The following STYK1 variants were observed in gnomAD, a reference collection of about 807,000 sequenced individuals.
STYK1 encodes the protein STY kinase 1.
Under a neutral mutation model 48.1 loss-of-function variants are expected in STYK1, and 46 were observed. That is an observed-to-expected ratio of 0.96 (90% CI 0.75 to 1.22). The LOEUF is 1.22. Among genes scored for constraint, STYK1 ranks in the 50% most tolerant of loss-of-function variants. The probability of loss-of-function intolerance (pLI) is 0.00; values close to 1 mark genes in which losing one functional copy is unlikely to be tolerated. For missense variants in STYK1, 527 were observed against 521.1 expected (o/e 1.01, Z -0.11); for synonymous variants, 188 against 189.0 (o/e 0.99, Z 0.04).
intron 7 of STYK1, among the ~76,000 whole-genome samples, chr12:10,625,656 G>A (rs954465640): frequency 6.6e-6 from 1 of 151,956 alleles, no homozygotes; most frequent in African/African-American, 2.4e-5. Flanking sequence ...TTTTCTTTTA[G>A]ATAAATCTAA....
At chr12:10,655,634 C>T (rs566231080) in intron 1 of STYK1, among the ~76,000 whole-genome samples, 1 of 152,284 alleles carries the variant, frequency 6.6e-6, no homozygotes, top group African/African-American at 2.4e-5. Flanking sequence ...TTCTCTGAGG[C>T]ACCTTGTAGA....
intron 4 of STYK1, among the ~76,000 whole-genome samples, chr12:10,633,048 T>C (rs1591681712): frequency 6.6e-6 from 1 of 152,196 alleles, no homozygotes; most frequent in African/African-American, 2.4e-5. Context: ...GGGACTATCA[T>C]TGGAATAGAA....
chr12:10,665,137 G>A (rs987188514), intron 1 of STYK1, among the ~76,000 whole-genome samples: 1 of 152,162 alleles, frequency 6.6e-6, no homozygotes, highest in Admixed American at 6.5e-5. Flanking sequence ...AAGAAAGAAC[G>A]CAAACACAGC....
In STYK1 at chr12:10,631,107, C is replaced by T. The variant is rs747238411; in HGVS notation, c.389G>A (p.Arg130Gln). ...ICSGSCGPIF[R>Q]ANMNTGDPSK... ...AGGGTCCCCAGTGTTCATATTGGCT[C>T]GAAAGATGGGCCCACAGCTACCACT... is the stretch of plus-strand genomic sequence containing the variant. Residue 130 changes from arginine to glutamine, a missense_variant, in exon 5 of 11, where the codon CGA becomes CAA. Coordinates refer to ENST00000075503, the MANE Select transcript of STYK1 (RefSeq NM_018423.3). 1.2e-5 allele frequency: 19 copies of T among 1,614,018 alleles called. No homozygotes were observed. The highest frequency in any genetic ancestry group is 2.7e-5 in the African/African-American group (2 of 74,900).
chr12:10,663,246 TG>T (rs1468816235), intron 1 of STYK1, among the ~76,000 whole-genome samples: 1 of 152,132 alleles, frequency 6.6e-6, no homozygotes, highest in Non-Finnish European at 1.5e-5. Context: ...CCCAAGTAGC[TG>T]GGATTATAGA....
chr12:10,650,865 C>A (rs562539505), intron 1 of STYK1, among the ~76,000 whole-genome samples: 1 of 151,890 alleles, frequency 6.6e-6, no homozygotes, highest in Non-Finnish European at 1.5e-5. Context: ...ATTAGCCGGG[C>A]GTGGTGGCAC....
chr12:10,670,048 C>T (rs1565577117), intron 1 of STYK1, among the ~76,000 whole-genome samples: 1 of 152,056 alleles, frequency 6.6e-6, no homozygotes, highest in East Asian at 1.9e-4. Flanking sequence ...TTAGTACAAC[C>T]GTTAGGGAAA....
chr12:10,619,791 T>C lies in STYK1; in HGVS notation c.*353A>G, dbSNP rs1379233427. On this transcript the variant is annotated 3_prime_UTR_variant, in exon 11 of 11. Coordinates refer to ENST00000075503, the MANE Select transcript of STYK1 (RefSeq NM_018423.3). ...ATTTCATTCCAAATTTTCATCTAGA[T>C]AAAAATGTGGTTCCAGAGGAAACTA... 6 of 400,178 alleles carry C rather than the reference T, an allele frequency of 1.5e-5. No individual in the cohort carries two copies. Among genetic ancestry groups the C allele is most frequent in the Non-Finnish European group, 2.6e-5 (6 of 227,012 alleles). The allele number at this position is 400,178 out of a possible 1,614,324, so 24.8% of individuals were successfully genotyped here.
intron 1 of STYK1, among the ~76,000 whole-genome samples, chr12:10,651,737 CA>C (rs1947664728): frequency 6.6e-6 from 1 of 152,126 alleles, no homozygotes; most frequent in South Asian, 2.1e-4. Flanking sequence ...CTGTATATTC[CA>C]CAGGAATAAG....
At chr12:10,652,737 A>AT (rs11459191) in intron 1 of STYK1, among the ~76,000 whole-genome samples, 83,742 of 151,966 alleles carry the variant, frequency 0.55, 23,797 homozygotes, top group East Asian at 0.79. Flanking sequence ...AGAAAGAAAA[A>AT]GGTTAACGAG....
At position 10,634,734 on chromosome 12, in the gene STYK1, T is replaced by C. The variant is rs1947467735; in HGVS notation, c.-68-48A>G. The C allele has an allele frequency of 1.1e-5, 13 of 1,197,012 alleles. No individual in the cohort carries two copies. In the South Asian group the frequency reaches 1.6e-4, roughly 15 times the overall value. 74.1% of individuals were successfully genotyped at this position (1,197,012 alleles called of 1,614,324 possible). On this transcript the variant is annotated intron_variant, in intron 2 of 10. Coordinates refer to ENST00000075503, the MANE Select transcript of STYK1 (RefSeq NM_018423.3). ...AAAAAATAAAATGAATGAAAAAAAA[T>C]AAATGAAGTACACACAGAATTTTAA...
rs1215462664 is a variant in STYK1 at position 10,670,998 on chromosome 12, T to TTTC, written c.-195+2967_-195+2968insGAA. Among the ~76,000 whole-genome samples the TTTC allele has an allele frequency of 6.6e-3, 911 of 137,430 alleles. 14 individuals are homozygous for TTTC. Among genetic ancestry groups the TTTC allele is most frequent in the South Asian group, 0.012 (48 of 4,058 alleles). 90.2% of individuals were successfully genotyped at this position (137,430 alleles called of 152,430 possible). On this transcript the variant is annotated intron_variant, in intron 1 of 10. Transcript: ENST00000075503. ...TCCAGAACCTATGAATATATTGATTTTTTTTTTTTTTTTTTTTTTGACAGT... is the reference window on the plus strand; with the variant it reads ...TCCAGAACCTATGAATATATTGATTTTTCTTTTTTTTTTTTTTTTTTTGACAGT...
rs1194437247 is a variant in STYK1 at position 10,672,740 on chromosome 12, G to T, written c.-195+1226C>A. Among the ~76,000 whole-genome samples the T allele has an allele frequency of 3.3e-5, 5 of 152,208 alleles. No homozygotes were observed. The highest frequency in any genetic ancestry group is 7.3e-5 in the Non-Finnish European group (5 of 68,044). On this transcript the variant is annotated intron_variant, in intron 1 of 10. Coordinates refer to ENST00000075503, the MANE Select transcript of STYK1 (RefSeq NM_018423.3). The surrounding 1 kb of genome is among the most constrained non-coding windows in gnomAD (Gnocchi z 4.0). Reference sequence around the variant, plus strand: ...CAGTCCCTGGTGCCTGGTGCCAAAAGCCATGCAGTTTGTGGTACCTTGTTA... The same window carrying T: ...CAGTCCCTGGTGCCTGGTGCCAAAATCCATGCAGTTTGTGGTACCTTGTTA...
At chr12:10,629,816 A>T (rs1565561237) in intron 5 of STYK1, 142 bp from the exon 6 acceptor site, 1 of 750,908 alleles carries the variant, frequency 1.3e-6, no homozygotes, top group East Asian at 2.7e-5. Flanking sequence ...CACAAAGGGG[A>T]CTAATTAGAT....
chr12:10,650,433 T>C lies in STYK1; in HGVS notation c.-194-13237A>G, dbSNP rs547285534. ...AAGTAAAATTGTTCTTCAGTGATAG[T>C]AGCTAAAAGTGCCTCTTCTAGCAAG... On this transcript the variant is annotated intron_variant, in intron 1 of 10. Transcript: ENST00000075503. Among the ~76,000 whole-genome samples, 133 of 152,358 alleles carry C rather than the reference T, an allele frequency of 8.7e-4. 4 individuals are homozygous for C. In the South Asian group the frequency reaches 0.026, roughly 30 times the overall value.
At chr12:10,650,910 C>A (rs955861192) in intron 1 of STYK1, among the ~76,000 whole-genome samples, 1 of 151,276 alleles carries the variant, frequency 6.6e-6, no homozygotes, top group Non-Finnish European at 1.5e-5. Context: ...GAGGCTGAGG[C>A]AGGAGAATCA....
intron 1 of STYK1, among the ~76,000 whole-genome samples, chr12:10,666,217 T>G (rs1342385847): frequency 6.6e-6 from 1 of 152,098 alleles, no homozygotes; most frequent in Non-Finnish European, 1.5e-5. Flanking sequence ...TTTGGAGAAG[T>G]TGATTTTAAG....
intron 2 of STYK1, among the ~76,000 whole-genome samples, chr12:10,635,343 A>C (rs1947474666): frequency 6.6e-6 from 1 of 152,236 alleles, no homozygotes; most frequent in Non-Finnish European, 1.5e-5. Flanking sequence ...ACAAATAAAA[A>C]ATTGACAGAT....
Position 10,652,482 on chromosome 12 carries a change from A to G in STYK1, c.-194-15286T>C, listed in dbSNP as rs147058707. Among the ~76,000 whole-genome samples the G allele has an allele frequency of 1.3e-3, 196 of 152,348 alleles. 1 individual carries two copies. The highest frequency in any genetic ancestry group is 2.4e-3 in the Non-Finnish European group (166 of 68,024). ...AGAATACAAGTATTTCAGAAATCCA[A>G]GGAAGAATTATCATATTCCCCACAT... On this transcript the variant is annotated intron_variant, in intron 1 of 10. Coordinates refer to ENST00000075503, the MANE Select transcript of STYK1 (RefSeq NM_018423.3).
Sources: gnomAD v4.1 joint callset for allele counts (sites outside exome capture counted in the v4.1 genomes callset) on GRCh38, gnomAD v4.1.1 for gene constraint, Gnocchi (gnomAD v3.1) non-coding constraint, MANE v1.5 for transcripts, NCBI Gene and HGNC (gene_info 2026-07-23, HGNC 2026-07-21) for gene names.